Variants in SMTNL2 observed in about 807,000 individuals in gnomAD.
SMTNL2 encodes smoothelin-like protein 2.
In SMTNL2, 43 loss-of-function variants were observed where a neutral mutation model predicts 44.1. The observed-to-expected ratio is 0.98, with a 90% CI of 0.76 to 1.26. The LOEUF (loss-of-function observed/expected upper bound fraction) is 1.26. Ranked by LOEUF, SMTNL2 falls within the 50% of genes most tolerant of loss-of-function variation. The pLI, the probability that SMTNL2 is intolerant of heterozygous loss-of-function variation, is 0.00. For missense variants in SMTNL2, 646 were observed against 670.2 expected (o/e 0.96, Z 0.40); for synonymous variants, 317 against 287.6 (o/e 1.10, Z -1.03).
chr17:4,597,101 C>A, intron 6 of SMTNL2, 71 bp from the exon 7 acceptor site: 2 of 1,567,346 alleles, frequency 1.3e-6, no homozygotes, highest in Admixed American at 1.8e-5. Context: ...GGGGTAGGAA[C>A]CACGGTAATT....
rs779175608 is a variant in SMTNL2, at chr17:4,593,016, T to C, written c.575T>C (p.Leu192Pro). Residue 192 changes from leucine (L) to proline (P), a missense_variant, in exon 3 of 8, where the codon CTG (leucine) becomes CCG (proline). Transcript: ENST00000389313. Reference sequence around the variant, plus strand: ...CGTCCTGTGAGCCTCTCCTTGCGGCTGCCCCACCAGCCAGTCACGGCCATC... The same window carrying C: ...CGTCCTGTGAGCCTCTCCTTGCGGCCGCCCCACCAGCCAGTCACGGCCATC... ...RPRPVSLSLR[L>P]PHQPVTAITR... 2.5e-5 allele frequency: 40 copies of C among 1,613,744 alleles called. No individual in the cohort carries two copies. In the African/African-American group the frequency reaches 4.9e-4, roughly 20 times the overall value.
Position 4,595,701 on chromosome 17 carries a change from G to A in SMTNL2, c.989+374G>A, listed in dbSNP as rs564434409. On this transcript the variant is annotated intron_variant, in intron 5 of 7. Transcript: ENST00000389313. The surrounding 1 kb of genome is among the most constrained non-coding windows in gnomAD (Gnocchi z 5.1). ...CTGGGCATGACCGGGGACTGGATGGGGACTGGGATTCCTGGCCAGAGCTGG... is the reference window on the plus strand; with the variant it reads ...CTGGGCATGACCGGGGACTGGATGGAGACTGGGATTCCTGGCCAGAGCTGG... Among the ~76,000 whole-genome samples the A allele has an allele frequency of 1.0e-3, 158 of 152,358 alleles. No individual in the cohort carries two copies. The South Asian group carries it at 0.017, about 16-fold the overall frequency.
chr17:4,594,050 A>C (rs1909699750), intron 4 of SMTNL2, among the ~76,000 whole-genome samples, 153 bp downstream of exon 4: 1 of 150,806 alleles, frequency 6.6e-6, no homozygotes, highest in African/African-American at 2.4e-5. Context: ...GATGGGGGGA[A>C]GGTCTGAGCA....
At chr17:4,596,649 C>T (rs1207941510) in intron 5 of SMTNL2, among the ~76,000 whole-genome samples, 1 of 152,168 alleles carries the variant, frequency 6.6e-6, no homozygotes, top group Non-Finnish European at 1.5e-5. Flanking sequence ...TGCCACATAC[C>T]ATCAAAGGAG....
chr17:4,597,009 C>T (rs72634012), intron 6 of SMTNL2, 32 bp downstream of exon 6: 340,038 of 1,476,206 alleles, frequency 0.23, 43,702 homozygotes, highest in East Asian at 0.59. Flanking sequence ...GCTGCTGGGA[C>T]GCCCCAGCTA....
rs1909911285 is a variant in SMTNL2, at chr17:4,598,632, T to C, written c.1259+1309T>C. Among the ~76,000 whole-genome samples, 1 of 152,052 alleles carries C rather than the reference T, an allele frequency of 6.6e-6. No homozygotes were observed. The highest frequency in any genetic ancestry group is 1.5e-5 in the Non-Finnish European group (1 of 67,990). ...TGAGCTCAGGAGTTCGAGACCAGCT[T>C]GGGCAACACGGCGAAACCCTGTCTC... On this transcript the variant is annotated intron_variant, in intron 7 of 7. Coordinates refer to ENST00000389313, the MANE Select transcript of SMTNL2 (RefSeq NM_001114974.2). This position sits in a 1 kb window ranked among gnomAD's most constrained non-coding sequence, Gnocchi z 4.8.
chr17:4,595,201 C>T lies in SMTNL2; in HGVS notation c.863C>T (p.Thr288Ile). Residue 288 changes from threonine (T) to isoleucine (I), a missense_variant, in exon 5 of 8, where the codon ACT becomes ATT. By Grantham distance (89) the Thr-to-Ile change is moderately conservative. Transcript: ENST00000389313. This position sits in a 1 kb window ranked among gnomAD's most constrained non-coding sequence, Gnocchi z 5.1. Reference protein sequence around the residue: ...SPVSPQPPAITQVHRQGERRR... With the variant: ...SPVSPQPPAIIQVHRQGERRR... Reference sequence around the variant, plus strand: ...GTGTCCCCGCAGCCGCCAGCCATAACTCAGGTCCATCGGCAGGGGGAGCGT... The same window carrying T: ...GTGTCCCCGCAGCCGCCAGCCATAATTCAGGTCCATCGGCAGGGGGAGCGT... 1.2e-6 allele frequency: 2 copies of T among 1,613,536 alleles called. No homozygotes were observed. The highest frequency in any genetic ancestry group is 2.2e-5 in the East Asian group (1 of 44,872).
Position 4,607,474 on chromosome 17 carries a change from G to A in SMTNL2, c.1373G>A (p.Arg458His), listed in dbSNP as rs1300405248. ...TYVQSLYNHL[R>H]RFE ...GTCCAGTCGCTGTACAACCACCTGC[G>A]TCGCTTCGAGTAAAGCCCCTGAGCC... The change falls in exon 8 of 8, where the codon CGT (arginine) becomes CAT (histidine). Residue 458 changes from arginine to histidine, a missense_variant. Coordinates refer to ENST00000389313, the MANE Select transcript of SMTNL2 (RefSeq NM_001114974.2). The surrounding 1 kb of genome is among the most constrained non-coding windows in gnomAD (Gnocchi z 4.7). 7.4e-6 allele frequency: 12 copies of A among 1,613,976 alleles called. No homozygotes were observed. The highest frequency in any genetic ancestry group is 3.3e-5 in the South Asian group (3 of 91,080).
At chr17:4,604,311 G>C (rs1383340814) in intron 7 of SMTNL2, among the ~76,000 whole-genome samples, 1 of 152,208 alleles carries the variant, frequency 6.6e-6, no homozygotes, top group Non-Finnish European at 1.5e-5. Context: ...AAGCCTGTTG[G>C]ATTCACTTAC....
At chr17:4,591,520 T>C (rs4597375) in intron 1 of SMTNL2, among the ~76,000 whole-genome samples, 49,553 of 152,276 alleles carry the variant, frequency 0.33, 8,122 homozygotes, top group South Asian at 0.36. Flanking sequence ...ATCTCTGAAA[T>C]GGCTCTGGCA....
At chr17:4,588,134 G>C (rs956157629) in intron 1 of SMTNL2, among the ~76,000 whole-genome samples, 2 of 152,208 alleles carry the variant, frequency 1.3e-5, no homozygotes, top group African/African-American at 4.8e-5. Flanking sequence ...CCTTTCAAAC[G>C]GTGTTGTGAG....
intron 7 of SMTNL2, among the ~76,000 whole-genome samples, chr17:4,601,120 C>T (rs1190389520): frequency 6.6e-6 from 1 of 152,188 alleles, no homozygotes; most frequent in Non-Finnish European, 1.5e-5. Flanking sequence ...AAATGGTCGT[C>T]GGGATTGGCC....
At chr17:4,589,713 C>A (rs185650045) in intron 1 of SMTNL2, among the ~76,000 whole-genome samples, 386 of 152,172 alleles carry the variant, frequency 2.5e-3, no homozygotes, top group African/African-American at 8.7e-3. Flanking sequence ...TCTGGAAAAA[C>A]CCCTCAGACC....
chr17:4,590,315 C>G (rs1909521177), intron 1 of SMTNL2, among the ~76,000 whole-genome samples: 1 of 152,026 alleles, frequency 6.6e-6, no homozygotes. Context: ...GGCTTTCTCA[C>G]CATTCTTCAG....
rs1237138711 is a variant in SMTNL2, at chr17:4,598,287, A to C, written c.1259+964A>C. The stretch of plus-strand genomic sequence containing the variant: ...GAACCCAATCTGAAGACAGAGGGCC[A>C]GGGCTGTGGTTCATCCTGGCCCCCA... On this transcript the variant is annotated intron_variant, in intron 7 of 7. Coordinates refer to ENST00000389313, the MANE Select transcript of SMTNL2 (RefSeq NM_001114974.2). This position sits in a 1 kb window ranked among gnomAD's most constrained non-coding sequence, Gnocchi z 4.8. Among the ~76,000 whole-genome samples the C allele has an allele frequency of 6.6e-6, 1 of 152,188 alleles. No individual in the cohort carries two copies. Among genetic ancestry groups the C allele is most frequent in the Non-Finnish European group, 1.5e-5 (1 of 68,028 alleles).
rs758836099 is a variant in SMTNL2 at position 4,607,278 on chromosome 17, G to T, written c.1260-83G>T. 1.9e-4 allele frequency: 309 copies of T among 1,588,504 alleles called. No homozygotes were observed. The highest frequency in any genetic ancestry group is 2.6e-4 in the Non-Finnish European group (300 of 1,165,564). On this transcript the variant is annotated intron_variant, in intron 7 of 7. Transcript: ENST00000389313. The surrounding 1 kb of genome is among the most constrained non-coding windows in gnomAD (Gnocchi z 4.7). Reference sequence around the variant, plus strand: ...TGGCTGCCGGCTGAGCTCTGTTCCCGGGACCGAGACACCGGCCCTGTCGCG... The same window carrying T: ...TGGCTGCCGGCTGAGCTCTGTTCCCTGGACCGAGACACCGGCCCTGTCGCG...
intron 7 of SMTNL2, 39 bp downstream of exon 7, chr17:4,597,362 C>A (rs762168281): frequency 6.2e-7 from 1 of 1,603,958 alleles, no homozygotes; most frequent in Non-Finnish European, 8.5e-7. Context: ...AGCCCCAGCC[C>A]AGTCCCTGAG....
At position 4,592,276 on chromosome 17, in the gene SMTNL2, G is replaced by A. The variant is rs1164311950; in HGVS notation, c.400-85G>A. 1.5e-6 allele frequency: 2 copies of A among 1,299,722 alleles called. No individual in the cohort carries two copies. Among genetic ancestry groups the A allele is most frequent in the Non-Finnish European group, 2.2e-6 (2 of 906,924 alleles). 80.5% of individuals were successfully genotyped at this position (1,299,722 alleles called of 1,614,324 possible). On this transcript the variant is annotated intron_variant, in intron 1 of 7. Transcript: ENST00000389313. The surrounding 1 kb of genome is among the most constrained non-coding windows in gnomAD (Gnocchi z 4.5). The stretch of plus-strand genomic sequence containing the variant: ...ACATGATTGGTGTTTTGCCAGAACG[G>A]GAGGGGATTTGGGGGTGGGCAGCTT...
intron 1 of SMTNL2, among the ~76,000 whole-genome samples, chr17:4,589,120 TAGC>T (rs1298686845): frequency 6.6e-6 from 1 of 152,116 alleles, no homozygotes; most frequent in Non-Finnish European, 1.5e-5. Context: ...GGAGAACCCT[TAGC>T]AGTGATCTAA....
Sources: allele counts gnomAD v4.1 joint callset (sites outside exome capture counted in the v4.1 genomes callset), GRCh38; gene constraint gnomAD v4.1.1; non-coding constraint Gnocchi (gnomAD v3.1); transcripts MANE v1.5; gene names NCBI Gene and HGNC (gene_info 2026-07-23, HGNC 2026-07-21).